The following CUX1 variants were observed in gnomAD, a reference collection of about 807,000 sequenced individuals.
The protein encoded by CUX1 is protein CASP.
CUX1 carries 31 observed loss-of-function variants against 158.8 expected under a neutral mutation model. The ratio of observed to expected loss-of-function variants is 0.20; its 90% CI spans 0.15 to 0.26. The LOEUF is 0.26. Among genes scored for constraint, CUX1 ranks in the 10% least tolerant of loss-of-function variants. The probability of loss-of-function intolerance (pLI) is 1.00; values close to 1 mark genes in which losing one functional copy is unlikely to be tolerated. For missense variants in CUX1, 1,589 were observed against 2,014.6 expected (o/e 0.79, Z 4.04); for synonymous variants, 879 against 862.1 (o/e 1.02, Z -0.34).
chr7:101,948,901 A>G (rs867306516), intron 2 of CUX1, among the ~76,000 whole-genome samples: 1 of 152,222 alleles, frequency 6.6e-6, no homozygotes, highest in African/African-American at 2.4e-5. Flanking sequence ...TGCCCCTGCA[A>G]GTGTGTCTGA....
intron 1 of CUX1, among the ~76,000 whole-genome samples, chr7:101,845,644 T>A (rs989083768): frequency 2.6e-5 from 4 of 152,206 alleles, no homozygotes; most frequent in Non-Finnish European, 5.9e-5. Flanking sequence ...TATGGAACAG[T>A]GCTGTTCCGA....
chr7:101,919,561 C>T (rs534568706), intron 2 of CUX1, among the ~76,000 whole-genome samples: 44 of 152,278 alleles, frequency 2.9e-4, no homozygotes, highest in Admixed American at 2.9e-3. Flanking sequence ...CGTGGCAGAG[C>T]CAGGGCTGGT....
intron 2 of CUX1, among the ~76,000 whole-genome samples, chr7:101,973,891 C>T (rs1023701982): frequency 3.3e-5 from 5 of 151,458 alleles, no homozygotes; most frequent in African/African-American, 9.7e-5. Flanking sequence ...ACCTCAGCCT[C>T]CCGAGTAGCT....
At chr7:102,243,722 C>G (rs1208494464) in intron 23 of CUX1, among the ~76,000 whole-genome samples, 1 of 150,158 alleles carries the variant, frequency 6.7e-6, no homozygotes, top group Non-Finnish European at 1.5e-5. Context: ...AGCATGAAGT[C>G]GCTTGTCTAA....
At position 101,938,378 on chromosome 7, in the gene CUX1, G is replaced by A. The variant is rs553890900; in HGVS notation, c.141+22153G>A. 5.9e-5 allele frequency among the ~76,000 whole-genome samples: 9 copies of A among 152,210 alleles called. No homozygotes were observed. The South Asian group carries it at 1.7e-3, about 28-fold the overall frequency. On this transcript the variant is annotated intron_variant, in intron 2 of 23. Transcript: ENST00000292535. Reference sequence around the variant, plus strand: ...TGTGTCAGCCTCCCAAAGTGCTGTAGTTACAGGCATGAGCCACTGTGCCTG... The same window carrying A: ...TGTGTCAGCCTCCCAAAGTGCTGTAATTACAGGCATGAGCCACTGTGCCTG...
At chr7:102,143,860 G>A (rs1554501124) in intron 8 of CUX1, among the ~76,000 whole-genome samples, 1 of 152,000 alleles carries the variant, frequency 6.6e-6, no homozygotes, top group East Asian at 1.9e-4. Context: ...TCAGCTCACT[G>A]TAGCCTCCAC....
At chr7:102,278,137 T>C in intron 18 of CUX1, 2 of 1,169,966 alleles carry the variant, frequency 1.7e-6, no homozygotes. Flanking sequence ...GCTCTGGAGA[T>C]GGGAGGGTCG....
At chr7:101,934,930 C>T (rs1045243217) in intron 2 of CUX1, among the ~76,000 whole-genome samples, 68 of 151,838 alleles carry the variant, frequency 4.5e-4, no homozygotes, top group African/African-American at 1.5e-3. Context: ...ACAGCATTGC[C>T]CGGGGTGAGG....
downstream of CUX1, among the ~76,000 whole-genome samples, chr7:102,261,188 T>C (rs1434452963): frequency 6.6e-6 from 1 of 152,148 alleles, no homozygotes; most frequent in Non-Finnish European, 1.5e-5. Flanking sequence ...TTCAGACTCT[T>C]AGAATACCAA....
Position 102,156,500 on chromosome 7 carries a change from T to C in CUX1, c.675-2060T>C, listed in dbSNP as rs374469998. Among the ~76,000 whole-genome samples, 7 of 152,312 alleles carry C rather than the reference T, an allele frequency of 4.6e-5. No individual in the cohort carries two copies. The East Asian group carries it at 1.4e-3, about 29-fold the overall frequency. ...CTGGTCAGAGCAAGAACTCATTCAC[T>C]GCCAGGAGAATGGCACCAAGCCATT... On this transcript the variant is annotated intron_variant, in intron 8 of 23. Transcript: ENST00000292535.
intron 14 of CUX1, among the ~76,000 whole-genome samples, chr7:102,271,777 C>T (rs1335350560): frequency 6.6e-6 from 1 of 152,238 alleles, no homozygotes; most frequent in Non-Finnish European, 1.5e-5. Context: ...CGCCTGTAAT[C>T]CCAGCACATT....
intron 2 of CUX1, among the ~76,000 whole-genome samples, chr7:102,008,224 G>T (rs922635516): frequency 2.0e-5 from 3 of 152,084 alleles, no homozygotes; most frequent in Non-Finnish European, 4.4e-5. Flanking sequence ...TTCTTCTAGG[G>T]GCTTCGGTGA....
intron 21 of CUX1, among the ~76,000 whole-genome samples, chr7:102,228,745 C>T (rs549670106): frequency 1.6e-4 from 24 of 152,300 alleles, no homozygotes; most frequent in African/African-American, 5.3e-4. Flanking sequence ...CTGCAGTGAG[C>T]TATGACCATG....
intron 4 of CUX1, among the ~76,000 whole-genome samples, chr7:102,070,666 G>A (rs533295092): frequency 6.6e-5 from 10 of 152,320 alleles, no homozygotes; most frequent in African/African-American, 2.4e-4. Context: ...TAAAAGCAGA[G>A]ATCCAAATCT....
chr7:101,898,613 C>CA (rs1318537345), intron 1 of CUX1, among the ~76,000 whole-genome samples: 2 of 119,326 alleles, frequency 1.7e-5, no homozygotes, highest in Admixed American at 2.1e-4. Flanking sequence ...TTTTTTGAGA[C>CA]AGAGTCTTGC....
chr7:101,853,220 C>T (rs576713849), intron 1 of CUX1, among the ~76,000 whole-genome samples: 7 of 152,224 alleles, frequency 4.6e-5, no homozygotes, highest in African/African-American at 9.6e-5. Flanking sequence ...TTATTATGCT[C>T]TTGCCTAAAA....
At chr7:102,020,020 G>A (rs998344540) in intron 2 of CUX1, among the ~76,000 whole-genome samples, 1 of 152,020 alleles carries the variant, frequency 6.6e-6, no homozygotes, top group African/African-American at 2.4e-5. Flanking sequence ...TTCATTGCTG[G>A]GTGGCCTATA....
intron 4 of CUX1, among the ~76,000 whole-genome samples, chr7:102,096,840 C>G (rs1263669376): frequency 6.6e-6 from 1 of 152,224 alleles, no homozygotes; most frequent in Non-Finnish European, 1.5e-5. Flanking sequence ...TCTGAGGCCT[C>G]TTTCTCGAGA....
At chr7:101,816,809 G>C, upstream of CUX1, 2 of 369,866 alleles carry the variant, frequency 5.4e-6, no homozygotes, top group Non-Finnish European at 7.3e-6. Flanking sequence ...GCGGGTGGCC[G>C]GGCAGGCGCC....
Sources: allele counts gnomAD v4.1 joint callset (sites outside exome capture counted in the v4.1 genomes callset), GRCh38; gene constraint gnomAD v4.1.1; transcripts MANE v1.5; gene names NCBI Gene and HGNC (gene_info 2026-07-23, HGNC 2026-07-21).